Variants in STRN3 observed in about 807,000 individuals in gnomAD.
The protein encoded by STRN3 is striatin-3.
In STRN3, 29 loss-of-function variants were observed where a neutral mutation model predicts 95.6. The ratio of observed to expected loss-of-function variants is 0.30; its 90% CI spans 0.23 to 0.41. The LOEUF (loss-of-function observed/expected upper bound fraction) is 0.41, where lower values mean the gene tolerates loss of function less well. STRN3 is among the 10% of genes least tolerant of loss of function. The pLI is 1.00. For synonymous variants in STRN3, 331 were observed against 357.6 expected, an observed-to-expected ratio of 0.93 and a Z score of 0.84; for missense variants, 890 against 972.1, an observed-to-expected ratio of 0.92 and a Z score of 1.12.
In STRN3 at chr14:30,984,285, A is replaced by AC. The variant is rs1298779248; in HGVS notation, c.283-28044_283-28043insG. Reference sequence around the variant, plus strand: ...GAATTCTAAAAAAAAAAAAAAAAAAAAAAAAAACAGAAAAGAATTAAAACT... The same window carrying AC: ...GAATTCTAAAAAAAAAAAAAAAAAAACAAAAAAACAGAAAAGAATTAAAACT... On this transcript the variant is annotated intron_variant, in intron 1 of 17. Transcript: ENST00000357479. 9.3e-5 allele frequency among the ~76,000 whole-genome samples: 14 copies of AC among 150,120 alleles called. 1 individual carries two copies. In the South Asian group the frequency reaches 2.1e-3, roughly 22 times the overall value.
chr14:30,963,039 C>A (rs150714208), intron 1 of STRN3, among the ~76,000 whole-genome samples: 2 of 152,186 alleles, frequency 1.3e-5, no homozygotes, highest in East Asian at 1.9e-4. Context: ...AATCATCTAA[C>A]GATACATTTC....
At chr14:31,019,473 T>A (rs1207565413) in intron 1 of STRN3, among the ~76,000 whole-genome samples, 1 of 152,178 alleles carries the variant, frequency 6.6e-6, no homozygotes, top group Non-Finnish European at 1.5e-5. Flanking sequence ...TTGAAACTTT[T>A]CATAAAAAAA....
intron 1 of STRN3, among the ~76,000 whole-genome samples, chr14:31,005,192 C>G (rs931396253): frequency 6.6e-6 from 1 of 152,112 alleles, no homozygotes; most frequent in South Asian, 2.1e-4. Context: ...ATTAGCCGGG[C>G]ATGGTGGCAC....
intron 1 of STRN3, among the ~76,000 whole-genome samples, chr14:31,009,972 G>T (rs928279226): frequency 2.0e-5 from 3 of 152,042 alleles, no homozygotes; most frequent in African/African-American, 7.2e-5. Flanking sequence ...GCATGATGGC[G>T]TATGCCTCTA....
intron 1 of STRN3, among the ~76,000 whole-genome samples, chr14:30,961,595 C>T (rs115671187): frequency 3.9e-5 from 6 of 152,276 alleles, no homozygotes; most frequent in African/African-American, 1.4e-4. Flanking sequence ...ATGTACAGTG[C>T]TCAATACTTA....
intron 13 of STRN3, among the ~76,000 whole-genome samples, chr14:30,908,337 A>G (rs753940496): frequency 2.0e-5 from 3 of 152,188 alleles, no homozygotes; most frequent in Non-Finnish European, 4.4e-5. Flanking sequence ...GGTTTCTGAT[A>G]CCACTACCAC....
rs75660988 is a variant in STRN3 at position 30,946,567 on chromosome 14, T to C, written c.716+523A>G. Among the ~76,000 whole-genome samples, 297 of 152,144 alleles carry C rather than the reference T, an allele frequency of 2.0e-3. 2 individuals carry two copies. Among genetic ancestry groups the C allele is most frequent in the African/African-American group, 6.4e-3 (267 of 41,522 alleles). On this transcript the variant is annotated intron_variant, in intron 5 of 17. Coordinates refer to ENST00000357479, the MANE Select transcript of STRN3 (RefSeq NM_001083893.2). ...TCAAAAAACAAACACCAACTTAACA[T>C]AGATAAATTTTGAAAGCCATTAAAC...
chr14:31,014,872 G>A (rs1221389381), intron 1 of STRN3: 1 of 387,650 alleles, frequency 2.6e-6, no homozygotes, highest in Non-Finnish European at 4.9e-6. Flanking sequence ...CTGTCACCCA[G>A]GCTAAAGTAC....
At chr14:30,930,402 T>G (rs1878473475) in intron 7 of STRN3, among the ~76,000 whole-genome samples, 1 of 152,168 alleles carries the variant, frequency 6.6e-6, no homozygotes. Context: ...AAAGCCTTTC[T>G]CTTCCTTTAT....
At chr14:31,000,246 T>G (rs1315045373) in intron 1 of STRN3, among the ~76,000 whole-genome samples, 1 of 138,276 alleles carries the variant, frequency 7.2e-6, no homozygotes, top group East Asian at 2.3e-4. Flanking sequence ...ATAAACGTAT[T>G]TCTGGGGGGC....
At chr14:31,001,687 T>C (rs554543161) in intron 1 of STRN3, among the ~76,000 whole-genome samples, 3 of 152,330 alleles carry the variant, frequency 2.0e-5, no homozygotes, top group African/African-American at 7.2e-5. Context: ...GTACACGTTA[T>C]GTTCACAGCA....
intron 1 of STRN3, among the ~76,000 whole-genome samples, chr14:30,980,775 A>T (rs1378915710): frequency 6.6e-6 from 1 of 152,160 alleles, no homozygotes; most frequent in African/African-American, 2.4e-5. Flanking sequence ...CTATTGCAAG[A>T]GTTTTCTTTA....
chr14:30,968,702 C>T (rs530577787), intron 1 of STRN3, among the ~76,000 whole-genome samples: 284 of 148,658 alleles, frequency 1.9e-3, no homozygotes, highest in African/African-American at 3.9e-3. Flanking sequence ...AAGGTGTTTG[C>T]GGCAAGTCAG....
At chr14:30,946,179 C>T (rs927738791) in intron 5 of STRN3, among the ~76,000 whole-genome samples, 1 of 152,122 alleles carries the variant, frequency 6.6e-6, no homozygotes, top group African/African-American at 2.4e-5. Context: ...GTTAAAATAG[C>T]TCTGAACTAC....
At position 30,999,422 on chromosome 14, in the gene STRN3, G is replaced by A. The variant is rs371144272; in HGVS notation, c.282+26482C>T. 1.2e-4 allele frequency among the ~76,000 whole-genome samples: 18 copies of A among 152,196 alleles called. No homozygotes were observed. The East Asian group carries it at 2.7e-3, about 23-fold the overall frequency. ...GAAAATAATGTCTAAAGAACTAAAGGAAAACATATGAGAATGATATTTTAC... is the reference window on the plus strand; with the variant it reads ...GAAAATAATGTCTAAAGAACTAAAGAAAAACATATGAGAATGATATTTTAC... On this transcript the variant is annotated intron_variant, in intron 1 of 17. Coordinates refer to ENST00000357479, the MANE Select transcript of STRN3 (RefSeq NM_001083893.2).
intron 1 of STRN3, among the ~76,000 whole-genome samples, chr14:30,980,445 T>C (rs975325810): frequency 7.2e-5 from 11 of 152,148 alleles, no homozygotes; most frequent in African/African-American, 2.2e-4. Context: ...TGTTGCTCTG[T>C]CACCCAGGCT....
At chr14:30,896,621 A>G (rs1025351735) in intron 16 of STRN3, among the ~76,000 whole-genome samples, 2 of 152,102 alleles carry the variant, frequency 1.3e-5, no homozygotes, top group Non-Finnish European at 2.9e-5. Context: ...GTGTCAGTGA[A>G]AGACCTTAAG....
chr14:30,951,301 T>C (rs1879629169), intron 3 of STRN3, among the ~76,000 whole-genome samples: 1 of 152,096 alleles, frequency 6.6e-6, no homozygotes, highest in Middle Eastern at 3.2e-3. Context: ...AGTGGCACCA[T>C]CTCGATTCAC....
intron 9 of STRN3, among the ~76,000 whole-genome samples, chr14:30,914,514 G>A (rs539034404): frequency 2.0e-5 from 3 of 151,960 alleles, no homozygotes; most frequent in South Asian, 2.1e-4. Flanking sequence ...CACCACGCCC[G>A]GCTAATTTTT....
Sources: gnomAD v4.1 joint callset for allele counts (sites outside exome capture counted in the v4.1 genomes callset) on GRCh38, gnomAD v4.1.1 for gene constraint, MANE v1.5 for transcripts, NCBI Gene and HGNC (gene_info 2026-07-23, HGNC 2026-07-21) for gene names.